Variants in CDH13 observed in about 807,000 individuals in gnomAD.
The protein encoded by CDH13 is cadherin 13, also known as cadherin-13.
A neutral mutation model predicts 63.8 loss-of-function variants in CDH13; 24 were observed. The observed-to-expected ratio is 0.38, with a 90% CI of 0.27 to 0.53. CDH13 has a LOEUF of 0.53. CDH13 is among the 20% of genes least tolerant of loss of function. CDH13 has a pLI of 0.85. For missense variants in CDH13, 1,049 were observed against 903.1 expected, an observed-to-expected ratio of 1.16 and a Z score of -2.07; for synonymous variants, 503 against 355.3, an observed-to-expected ratio of 1.42 and a Z score of -4.67.
intron 2 of CDH13, chr16:82,953,970 T>A (rs1162894926): frequency 6.6e-6 from 1 of 152,212 alleles, no homozygotes; most frequent in East Asian, 1.9e-4. Flanking sequence ...ACTCTGATTA[T>A]CCCTTATTTC....
At chr16:83,518,812 G>A (rs141151904) in intron 7 of CDH13, among the ~76,000 whole-genome samples, 1 of 152,240 alleles carries the variant, frequency 6.6e-6, no homozygotes, top group Non-Finnish European at 1.5e-5. Context: ...GTTTTGCTCA[G>A]CACTTCTTGC....
chr16:82,656,428 G>A (rs1911303954), intron 1 of CDH13, among the ~76,000 whole-genome samples: 1 of 152,106 alleles, frequency 6.6e-6, no homozygotes, highest in Non-Finnish European at 1.5e-5. Flanking sequence ...ATTTTTTAGA[G>A]CAGGTTTAAG....
intron 7 of CDH13, among the ~76,000 whole-genome samples, chr16:83,495,977 G>T (rs1370554594): frequency 6.6e-6 from 1 of 151,458 alleles, no homozygotes; most frequent in Non-Finnish European, 1.5e-5. Context: ...TCTTCAAGGA[G>T]AACTACAAAC....
chr16:83,215,923 A>C lies in CDH13; in HGVS notation c.484-1422A>C, dbSNP rs147200926. Reference sequence around the variant, plus strand: ...TAAATATAGATGAATACTTGAGGGTAAACTCTAGATTCCACTTATGCCAAT... The same window carrying C: ...TAAATATAGATGAATACTTGAGGGTCAACTCTAGATTCCACTTATGCCAAT... On this transcript the variant is annotated intron_variant, in intron 4 of 13. Coordinates refer to ENST00000567109, the MANE Select transcript of CDH13 (RefSeq NM_001257.5). 7.6e-3 allele frequency among the ~76,000 whole-genome samples: 1,150 copies of C among 152,108 alleles called. 16 individuals are homozygous for C. Among genetic ancestry groups the C allele is most frequent in the African/African-American group, 0.027 (1,102 of 41,400 alleles).
intron 1 of CDH13, among the ~76,000 whole-genome samples, chr16:82,628,668 C>T (rs1377896452): frequency 6.6e-6 from 1 of 152,216 alleles, no homozygotes; most frequent in Non-Finnish European, 1.5e-5. Flanking sequence ...TCTTGGGGTC[C>T]CTACAGCCTT....
intron 1 of CDH13, among the ~76,000 whole-genome samples, chr16:82,797,365 A>G (rs1312989691): frequency 6.6e-6 from 1 of 152,192 alleles, no homozygotes; most frequent in Non-Finnish European, 1.5e-5. Context: ...CATCGCCACC[A>G]TGCATCATTA....
chr16:83,468,084 C>T (rs771925739), intron 6 of CDH13, among the ~76,000 whole-genome samples: 3 of 152,182 alleles, frequency 2.0e-5, no homozygotes, highest in South Asian at 2.1e-4. Context: ...CTTTTGGCAC[C>T]GTGAACTTGA....
At chr16:83,634,348 C>T (rs1406209244) in intron 8 of CDH13, among the ~76,000 whole-genome samples, 2 of 151,962 alleles carry the variant, frequency 1.3e-5, no homozygotes, top group African/African-American at 4.8e-5. Flanking sequence ...AGTTTTGTCA[C>T]TTCAAGGATG....
chr16:82,656,694 A>T (rs895077746), intron 1 of CDH13, among the ~76,000 whole-genome samples: 2 of 152,150 alleles, frequency 1.3e-5, no homozygotes, highest in African/African-American at 4.8e-5. Flanking sequence ...TATCACACAG[A>T]ATAGTTGTAC....
rs139451683 is a variant in CDH13 at position 82,638,823 on chromosome 16, T to TGTGTGTGTGTGTGTGTGCGCGCGCGC, written c.45+11687_45+11688insTGTGTGTGTGTGTGTGCGCGCGCGCG. 1.4e-3 allele frequency among the ~76,000 whole-genome samples: 204 copies of TGTGTGTGTGTGTGTGTGCGCGCGCGC among 150,902 alleles called. 1 individual carries two copies. The highest frequency in any genetic ancestry group is 4.6e-3 in the African/African-American group (187 of 41,050). ...TGGGAGGCTTTATTAGGGCAGTGTG[T>TGTGTGTGTGTGTGTGTGCGCGCGCGC]GCGTGTGTGCGTTTGTGTGCATGCA... is the stretch of plus-strand genomic sequence containing the variant. On this transcript the variant is annotated intron_variant, in intron 1 of 13. Transcript: ENST00000567109.
At chr16:82,636,826 C>T (rs540129170) in intron 1 of CDH13, among the ~76,000 whole-genome samples, 90 of 152,262 alleles carry the variant, frequency 5.9e-4, no homozygotes, top group African/African-American at 2.0e-3. Flanking sequence ...TAAATACTCC[C>T]GTCATGGGCA....
At chr16:82,735,234 G>T (rs1031118032) in intron 1 of CDH13, among the ~76,000 whole-genome samples, 13 of 152,178 alleles carry the variant, frequency 8.5e-5, no homozygotes, top group African/African-American at 3.1e-4. Context: ...GCTTAGCTTA[G>T]GTTTACCTGT....
rs192522683 is a variant in CDH13 at position 83,523,632 on chromosome 16, C to G, written c.960+36977C>G. ...CTACTCCAGGGTCACTCCCTTGCTT[C>G]ATGGTAGACCCTTGATGTCAGTTCC... On this transcript the variant is annotated intron_variant, in intron 7 of 13. Transcript: ENST00000567109. 5.9e-5 allele frequency among the ~76,000 whole-genome samples: 9 copies of G among 152,334 alleles called. No individual in the cohort carries two copies. In the East Asian group the frequency reaches 1.7e-3, roughly 29 times the overall value.
intron 4 of CDH13, among the ~76,000 whole-genome samples, chr16:83,148,665 G>A (rs2036852574): frequency 6.6e-6 from 1 of 152,172 alleles, no homozygotes; most frequent in Non-Finnish European, 1.5e-5. Flanking sequence ...AACTATTGCA[G>A]TATGGTGTTA....
chr16:83,384,755 C>G (rs1478982026), intron 6 of CDH13, among the ~76,000 whole-genome samples: 1 of 152,224 alleles, frequency 6.6e-6, no homozygotes, highest in Non-Finnish European at 1.5e-5. Context: ...AATGATGAAT[C>G]TTTCCTGTCT....
chr16:82,882,917 C>T (rs1315142648), intron 2 of CDH13, among the ~76,000 whole-genome samples: 3 of 152,134 alleles, frequency 2.0e-5, no homozygotes, highest in Admixed American at 1.3e-4. Flanking sequence ...ATGAAGGAAG[C>T]ATGTATAAGC....
At position 83,621,557 on chromosome 16, in the gene CDH13, G is replaced by A. The variant is rs1909820147; in HGVS notation, c.1101+18963G>A. On this transcript the variant is annotated intron_variant, in intron 8 of 13. Coordinates refer to ENST00000567109, the MANE Select transcript of CDH13 (RefSeq NM_001257.5). The stretch of plus-strand genomic sequence containing the variant: ...GCTGGAGTGCAGTGGCATGATCTCG[G>A]CTCACCGCAAACTCCTCCTCTTAGG... 1.7e-5 allele frequency among the ~76,000 whole-genome samples: 2 copies of A among 121,090 alleles called. 1 individual carries two copies. Among genetic ancestry groups the A allele is most frequent in the South Asian group, 5.6e-4 (2 of 3,580 alleles). 79.4% of individuals were successfully genotyped at this position (121,090 alleles called of 152,430 possible).
chr16:83,114,172 C>T (rs1331155134), intron 3 of CDH13, among the ~76,000 whole-genome samples: 1 of 152,130 alleles, frequency 6.6e-6, no homozygotes, highest in African/African-American at 2.4e-5. Flanking sequence ...TGTAATGATT[C>T]TTAGATGGTG....
intron 5 of CDH13, among the ~76,000 whole-genome samples, chr16:83,317,841 TCCCCACTCCCAAGTGGGG>T (rs2090139395): frequency 6.6e-6 from 1 of 150,628 alleles, no homozygotes; most frequent in African/African-American, 2.4e-5. Flanking sequence ...ACATCAATGC[TCCCCACTCCCAAGTGGGG>T]AAACTGAGGA....
Sources: allele counts gnomAD v4.1 joint callset (sites outside exome capture counted in the v4.1 genomes callset), GRCh38; gene constraint gnomAD v4.1.1; transcripts MANE v1.5; gene names NCBI Gene and HGNC (gene_info 2026-07-23, HGNC 2026-07-21).